UNC80: variants seen among roughly 807,000 people sequenced by gnomAD.
UNC80 encodes unc-80 subunit of NALCN channel complex.
A neutral mutation model predicts 384.6 loss-of-function variants in UNC80; 164 were observed. The ratio of observed to expected loss-of-function variants is 0.43; its 90% CI spans 0.38 to 0.49. The LOEUF is 0.49. Among genes scored for constraint, UNC80 ranks in the 20% least tolerant of loss-of-function variants. The probability of loss-of-function intolerance (pLI) is 0.00; values close to 1 mark genes in which losing one functional copy is unlikely to be tolerated. For missense variants in UNC80, 3,330 were observed against 4,143.0 expected (o/e 0.80, Z 5.39); for synonymous variants, 1,486 against 1,527.8 (o/e 0.97, Z 0.64).
chr2:209,930,228 G>A (rs1330773170), intron 37 of UNC80, among the ~76,000 whole-genome samples: 3 of 151,928 alleles, frequency 2.0e-5, no homozygotes, highest in East Asian at 1.9e-4. Context: ...ATTAAATTAA[G>A]TATAATGTTC....
At chr2:209,822,043 T>C (rs2080171268) in intron 13 of UNC80, among the ~76,000 whole-genome samples, 1 of 152,218 alleles carries the variant, frequency 6.6e-6, no homozygotes, top group African/African-American at 2.4e-5. Flanking sequence ...CGAGTCCCAC[T>C]TGACACATGT....
intron 21 of UNC80, 69 bp downstream of exon 21, chr2:209,842,515 A>G (rs2081841636): frequency 2.7e-6 from 3 of 1,108,594 alleles, no homozygotes; most frequent in Non-Finnish European, 2.6e-6. Flanking sequence ...GATTAGATTA[A>G]GTGGTCCATT....
At chr2:209,866,527 CACACACAGAGAG>C (rs1263529488) in intron 22 of UNC80, among the ~76,000 whole-genome samples, 20 of 90,992 alleles carry the variant, frequency 2.2e-4, no homozygotes, top group African/African-American at 8.7e-4. Context: ...CACACACACA[CACACACAGAGAG>C]AGAGAGAGAG....
chr2:209,897,679 C>T (rs2086941912), intron 28 of UNC80, among the ~76,000 whole-genome samples: 1 of 152,214 alleles, frequency 6.6e-6, no homozygotes, highest in Non-Finnish European at 1.5e-5. Context: ...GGTCGCTCCA[C>T]TAATGTCTGT....
At position 209,885,026 on chromosome 2, in the gene UNC80, C is replaced by T. The variant is rs115710355; in HGVS notation, c.4111-3069C>T. Among the ~76,000 whole-genome samples the T allele has an allele frequency of 9.4e-3, 1,425 of 151,530 alleles. 7 individuals are homozygous for T. Among genetic ancestry groups the T allele is most frequent in the Non-Finnish European group, 0.014 (971 of 67,920 alleles). On this transcript the variant is annotated intron_variant, in intron 25 of 64. Transcript: ENST00000673920. ...CGTTTGCCTATGTAACAAACCTGCACGCCCTGCACATGTATCCTGAAACTT... is the reference window on the plus strand; with the variant it reads ...CGTTTGCCTATGTAACAAACCTGCATGCCCTGCACATGTATCCTGAAACTT...
intron 29 of UNC80, among the ~76,000 whole-genome samples, chr2:209,910,826 G>T (rs576177190): frequency 6.6e-6 from 1 of 152,018 alleles, no homozygotes; most frequent in Non-Finnish European, 1.5e-5. Flanking sequence ...TCAAATAATT[G>T]TAATGGAAAA....
rs2093032431 is a variant in UNC80 at position 209,977,067 on chromosome 2, A to C, written c.8927A>C (p.His2976Pro). The C allele has an allele frequency of 1.3e-6, 2 of 1,519,518 alleles. No homozygotes were observed. The highest frequency in any genetic ancestry group is 1.8e-6 in the Non-Finnish European group (2 of 1,120,826). The allele number at this position is 1,519,518 out of a possible 1,614,324, so 94.1% of individuals were successfully genotyped here. ...CTAAAAATTCTAAAAGAGGCAGTTC[A>C]TAGTGGATCAGGTGAGTGTGCATGA... ...SELKILKEAV[H>P]SGSAYQGKTS... The change falls in exon 58 of 65, where the codon CAT becomes CCT. Residue 2976 changes from histidine to proline, a missense_variant. Transcript: ENST00000673920.
intron 27 of UNC80, 25 bp from the exon 28 acceptor site, chr2:209,896,288 C>G (rs773779131): frequency 6.5e-7 from 1 of 1,546,660 alleles, no homozygotes. Flanking sequence ...ACACTGAAAC[C>G]TTTCTTGGTA....
At position 209,878,000 on chromosome 2, in the gene UNC80, G is replaced by T. The variant is rs1324742849; in HGVS notation, c.3887G>T (p.Ser1296Ile). ...LNELCHGESE[S>I]PANLLGLIYD... ...GAGCTGTGCCACGGGGAAAGTGAGA[G>T]CCCAGCCAACCTGCTGGGTCTCATT... The change falls in exon 24 of 65, where the codon AGC becomes ATC. Residue 1296 changes from serine (S) to isoleucine (I), a missense_variant. Transcript: ENST00000673920. 4 of 1,544,284 alleles carry T rather than the reference G, an allele frequency of 2.6e-6. No homozygotes were observed. Among genetic ancestry groups the T allele is most frequent in the Non-Finnish European group, 3.5e-6 (4 of 1,143,384 alleles).
At chr2:209,942,498 A>T (rs1227583574) in intron 44 of UNC80, among the ~76,000 whole-genome samples, 1 of 152,172 alleles carries the variant, frequency 6.6e-6, no homozygotes, top group Admixed American at 6.5e-5. Flanking sequence ...TCTAATGTAT[A>T]GCTGGCTACA....
intron 4 of UNC80, among the ~76,000 whole-genome samples, chr2:209,785,124 C>T (rs1401185645): frequency 6.6e-6 from 1 of 152,100 alleles, no homozygotes; most frequent in Non-Finnish European, 1.5e-5. Flanking sequence ...TAAGTGATAC[C>T]TGGGCCTCTT....
rs1054504710 is a variant in UNC80 at position 209,964,842 on chromosome 2, A to T, written c.7806-2595A>T. Among the ~76,000 whole-genome samples the T allele has an allele frequency of 5.3e-5, 8 of 151,846 alleles. No individual in the cohort carries two copies. The East Asian group carries it at 1.3e-3, about 26-fold the overall frequency. On this transcript the variant is annotated intron_variant, in intron 51 of 64. Transcript: ENST00000673920. Reference sequence around the variant, plus strand: ...GGGGGAAATCGACATATTAAAAGAGACTTAAGGACATATCAACAAATTGAA... The same window carrying T: ...GGGGGAAATCGACATATTAAAAGAGTCTTAAGGACATATCAACAAATTGAA...
At chr2:209,970,347 G>A (rs1006811975) in intron 53 of UNC80, 2 of 174,890 alleles carry the variant, frequency 1.1e-5, no homozygotes, top group African/African-American at 4.8e-5. Flanking sequence ...GTAATATCTA[G>A]AGTCTGGTCC....
At chr2:209,786,757 T>G (rs2077451607) in intron 5 of UNC80, among the ~76,000 whole-genome samples, 1 of 152,032 alleles carries the variant, frequency 6.6e-6, no homozygotes, top group Non-Finnish European at 1.5e-5. Flanking sequence ...AATCTATCTC[T>G]TACTATGTAT....
chr2:209,939,335 C>G, intron 42 of UNC80, 137 bp from the exon 43 acceptor site: 195 of 744,240 alleles, frequency 2.6e-4, no homozygotes, highest in Non-Finnish European at 3.6e-4. Context: ...ACACATGTCT[C>G]CCTCATTTCA....
chr2:209,943,367 C>T lies in UNC80; in HGVS notation c.6916-13C>T, dbSNP rs1351253039. The T allele has an allele frequency of 6.4e-7, 1 of 1,550,944 alleles. No individual in the cohort carries two copies. Among genetic ancestry groups the T allele is most frequent in the Non-Finnish European group, 8.7e-7 (1 of 1,146,604 alleles). On this transcript the variant is annotated splice_polypyrimidine_tract_variant and intron_variant, in intron 44 of 64. Transcript: ENST00000673920. ...ATTAAGGCATTTTTTGAATATCTGG[C>T]ATTTTTCCATAGGTGTACTCCGACT...
chr2:209,904,909 C>A lies in UNC80; in HGVS notation c.4726C>A (p.Leu1576Met), dbSNP rs572065035. 6.4e-7 allele frequency: 1 copy of A among 1,551,750 alleles called. No individual in the cohort carries two copies. The highest frequency in any genetic ancestry group is 1.2e-5 in the South Asian group (1 of 84,056). The change falls in exon 29 of 65, where the codon CTG becomes ATG. Residue 1576 changes from leucine (L) to methionine (M), a missense_variant. Coordinates refer to ENST00000673920, the MANE Select transcript of UNC80 (RefSeq NM_001371986.1). ...KLLYGDSVDSLRESSNISSVA... is the reference protein window; with the variant it reads ...KLLYGDSVDSMRESSNISSVA... ...ACTCTATGGAGACAGTGTGGACTCC[C>A]TGAGGGAAAGCAGCAACATCAGCAG...
chr2:209,805,066 A>G (rs2078809034), intron 7 of UNC80, among the ~76,000 whole-genome samples: 1 of 152,218 alleles, frequency 6.6e-6, no homozygotes. Context: ...ATCAAGTTCC[A>G]GCTCATTAGT....
intron 25 of UNC80, among the ~76,000 whole-genome samples, chr2:209,886,527 A>T (rs1308362569): frequency 6.6e-6 from 1 of 152,166 alleles, no homozygotes; most frequent in Non-Finnish European, 1.5e-5. Flanking sequence ...GGCCTCAGAG[A>T]CCAAACTTCT....
Sources: gnomAD v4.1 joint callset for allele counts (sites outside exome capture counted in the v4.1 genomes callset) on GRCh38, gnomAD v4.1.1 for gene constraint, MANE v1.5 for transcripts, NCBI Gene and HGNC (gene_info 2026-07-23, HGNC 2026-07-21) for gene names.